The following ZBBX variants were observed in gnomAD, a reference collection of about 807,000 sequenced individuals.
ZBBX encodes zinc finger B-box domain-containing protein 1.
A neutral mutation model predicts 108.5 loss-of-function variants in ZBBX; 101 were observed. That is an observed-to-expected ratio of 0.93 (90% confidence interval 0.79 to 1.10). The LOEUF is 1.10. ZBBX is among the 50% of genes least tolerant of loss of function. ZBBX has a pLI of 0.00. For missense variants in ZBBX, 1,009 were observed against 941.4 expected (o/e 1.07, Z -0.94); for synonymous variants, 356 against 323.4 (o/e 1.10, Z -1.08).
At chr3:167,292,539 A>G (rs935480117) in intron 18 of ZBBX, among the ~76,000 whole-genome samples, 14 of 152,250 alleles carry the variant, frequency 9.2e-5, no homozygotes, top group African/African-American at 3.4e-4. Flanking sequence ...TCTCTGGGAC[A>G]CATTTAATGC....
chr3:167,203,911 A>C, the ZBBX span, among the ~76,000 whole-genome samples: 1 of 152,184 alleles, frequency 6.6e-6, no homozygotes, highest in Non-Finnish European at 1.5e-5. Flanking sequence ...CTCTGAGAAC[A>C]CAGACTAAGT....
At chr3:167,360,020 T>G (rs906270480) in intron 7 of ZBBX, 41 bp from the exon 8 acceptor site, 2 of 1,202,036 alleles carry the variant, frequency 1.7e-6, no homozygotes, top group South Asian at 3.3e-5. Context: ...CATTTAAAAA[T>G]ATGTTAAATT....
chr3:167,362,322 G>T (rs1744653229), intron 6 of ZBBX, among the ~76,000 whole-genome samples: 1 of 151,892 alleles, frequency 6.6e-6, no homozygotes, highest in South Asian at 2.1e-4. Flanking sequence ...GTGCTATCAG[G>T]GGCCAGGAAA....
At chr3:167,405,456 G>A (rs1299529285) in intron 1 of ZBBX, among the ~76,000 whole-genome samples, 3 of 152,128 alleles carry the variant, frequency 2.0e-5, no homozygotes, top group Non-Finnish European at 2.9e-5. Context: ...ATGTCGAAGC[G>A]AGATAAGTGG....
At chr3:167,198,873 A>G in the ZBBX span, among the ~76,000 whole-genome samples, 37 of 152,336 alleles carry the variant, frequency 2.4e-4, no homozygotes, top group African/African-American at 8.2e-4. Context: ...TCAGTTTAAA[A>G]ATGAAAGTAA....
intron 20 of ZBBX, among the ~76,000 whole-genome samples, chr3:167,275,978 C>T (rs1727496361): frequency 6.6e-6 from 1 of 152,134 alleles, no homozygotes; most frequent in South Asian, 2.1e-4. Flanking sequence ...ACCCCTGACC[C>T]CCAAGCAGCC....
chr3:167,268,406 A>G (rs1360515325), intron 20 of ZBBX, among the ~76,000 whole-genome samples: 1 of 151,962 alleles, frequency 6.6e-6, no homozygotes, highest in Non-Finnish European at 1.5e-5. Context: ...AGACGTTCCT[A>G]CCGCAGATCA....
intron 20 of ZBBX, among the ~76,000 whole-genome samples, chr3:167,244,814 G>C (rs1051952206): frequency 1.3e-5 from 2 of 152,104 alleles, no homozygotes; most frequent in Non-Finnish European, 2.9e-5. Context: ...TATCCCTGGA[G>C]TAAGAGTACC....
At chr3:167,308,917 T>C in intron 16 of ZBBX, among the ~76,000 whole-genome samples, 1 of 152,082 alleles carries the variant, frequency 6.6e-6, no homozygotes, top group East Asian at 1.9e-4. Flanking sequence ...TTTACCTATG[T>C]AACAAAACTA....
chr3:167,200,897 G>A, the ZBBX span, among the ~76,000 whole-genome samples: 1 of 152,106 alleles, frequency 6.6e-6, no homozygotes, highest in Non-Finnish European at 1.5e-5. Context: ...TCATGGAGAG[G>A]TAGCTTTGGA....
the ZBBX span, among the ~76,000 whole-genome samples, chr3:167,186,632 G>GA: frequency 1.3e-5 from 2 of 152,084 alleles, no homozygotes; most frequent in Non-Finnish European, 2.9e-5. Flanking sequence ...ATTACAAAGA[G>GA]AAGCACAGAT....
At chr3:167,348,769 G>A (rs576519967) in intron 9 of ZBBX, among the ~76,000 whole-genome samples, 4 of 151,862 alleles carry the variant, frequency 2.6e-5, no homozygotes, top group East Asian at 1.9e-4. Flanking sequence ...GTGTATATTC[G>A]GTAGATATTT....
At chr3:167,304,703 G>A (rs1053145988) in intron 17 of ZBBX, among the ~76,000 whole-genome samples, 5 of 152,036 alleles carry the variant, frequency 3.3e-5, no homozygotes, top group Admixed American at 6.6e-5. Context: ...CAGGTGAAAC[G>A]TTTTATTGGC....
At chr3:167,236,179 T>C (rs1204869466), downstream of ZBBX, among the ~76,000 whole-genome samples, 1 of 151,718 alleles carries the variant, frequency 6.6e-6, no homozygotes, top group Non-Finnish European at 1.5e-5. Flanking sequence ...ACAGATGGGA[T>C]GTTTCAGAAA....
intron 18 of ZBBX, among the ~76,000 whole-genome samples, chr3:167,294,547 A>C (rs989436242): frequency 5.3e-5 from 8 of 152,218 alleles, no homozygotes; most frequent in Non-Finnish European, 1.2e-4. Flanking sequence ...AAATTAACTC[A>C]AGATAGGTTA....
At chr3:167,395,984 A>G (rs888902955) in intron 1 of ZBBX, among the ~76,000 whole-genome samples, 1 of 151,886 alleles carries the variant, frequency 6.6e-6, no homozygotes, top group South Asian at 2.1e-4. Flanking sequence ...TCTGTGTTTT[A>G]TTTTGCCTCC....
chr3:167,238,331 G>A (rs1720316040), downstream of ZBBX, among the ~76,000 whole-genome samples: 1 of 151,928 alleles, frequency 6.6e-6, no homozygotes, highest in African/African-American at 2.4e-5. Flanking sequence ...TAATTGTGGA[G>A]GAGTCATACT....
chr3:167,231,365 G>T, the ZBBX span, among the ~76,000 whole-genome samples: 457 of 151,880 alleles, frequency 3.0e-3, 3 homozygotes, highest in Non-Finnish European at 5.3e-3. Flanking sequence ...TCATGAGAGC[G>T]TGGTGTCCTT....
chr3:167,182,376 C>T, the ZBBX span, among the ~76,000 whole-genome samples: 12 of 152,334 alleles, frequency 7.9e-5, no homozygotes, highest in South Asian at 2.1e-3. Flanking sequence ...AACACTATAT[C>T]CCGAGCAGCC....
Sources: allele counts gnomAD v4.1 joint callset (sites outside exome capture counted in the v4.1 genomes callset), GRCh38; gene constraint gnomAD v4.1.1; transcripts MANE v1.5; gene names NCBI Gene and HGNC (gene_info 2026-07-23, HGNC 2026-07-21).